The following TENM2 variants were observed in gnomAD, a reference collection of about 807,000 sequenced individuals.
The protein encoded by TENM2 is teneurin-2.
TENM2 carries 52 observed loss-of-function variants against 245.2 expected under a neutral mutation model. The observed-to-expected ratio is 0.21, with a 90% confidence interval of 0.17 to 0.27. The LOEUF is 0.27. TENM2 is among the 10% of genes least tolerant of loss of function. TENM2 has a pLI of 1.00. For missense variants in TENM2, 3,046 were observed against 3,666.8 expected (o/e 0.83, Z 4.37); for synonymous variants, 1,363 against 1,438.9 (o/e 0.95, Z 1.19).
At chr5:167,645,036 A>G (rs1286341640) in intron 2 of TENM2, among the ~76,000 whole-genome samples, 2 of 152,148 alleles carry the variant, frequency 1.3e-5, no homozygotes, top group Non-Finnish European at 2.9e-5. Flanking sequence ...TTGAAACACA[A>G]TGGGAAGTAT....
the TENM2 span, among the ~76,000 whole-genome samples, chr5:167,151,657 T>A: frequency 1.3e-5 from 2 of 152,126 alleles, no homozygotes; most frequent in African/African-American, 4.8e-5. Flanking sequence ...TAGCTGGGAC[T>A]ACAGGCACCC....
chr5:167,489,785 A>G (rs1055834903), intron 2 of TENM2, among the ~76,000 whole-genome samples: 1 of 152,156 alleles, frequency 6.6e-6, no homozygotes, highest in African/African-American at 2.4e-5. Context: ...CCATTATACT[A>G]TATATGTTAT....
chr5:167,771,782 T>A (rs1345129802), intron 2 of TENM2, among the ~76,000 whole-genome samples: 1 of 152,176 alleles, frequency 6.6e-6, no homozygotes, highest in Non-Finnish European at 1.5e-5. Flanking sequence ...TAATTATTGC[T>A]TGCCAAGTTT....
chr5:167,000,437 G>T, the TENM2 span, among the ~76,000 whole-genome samples: 1 of 152,168 alleles, frequency 6.6e-6, no homozygotes, highest in Non-Finnish European at 1.5e-5. Context: ...GTATTTGAAA[G>T]AAATCTACAT....
At chr5:167,368,484 C>G (rs895178628) in intron 1 of TENM2, among the ~76,000 whole-genome samples, 1 of 151,978 alleles carries the variant, frequency 6.6e-6, no homozygotes, top group African/African-American at 2.4e-5. Flanking sequence ...TCTCATTAAC[C>G]TTTTATTTAA....
At chr5:167,542,128 A>G (rs1772250733) in intron 2 of TENM2, among the ~76,000 whole-genome samples, 1 of 152,168 alleles carries the variant, frequency 6.6e-6, no homozygotes, top group Non-Finnish European at 1.5e-5. Flanking sequence ...TTTGCCACCA[A>G]TTGCATAAGG....
At chr5:167,387,256 G>C (rs1218022872) in intron 2 of TENM2, among the ~76,000 whole-genome samples, 5 of 151,262 alleles carry the variant, frequency 3.3e-5, no homozygotes, top group Admixed American at 3.3e-4. Flanking sequence ...GTGTTTTGTT[G>C]TTGTTGTTGT....
intron 2 of TENM2, among the ~76,000 whole-genome samples, chr5:167,492,449 T>A (rs1157539970): frequency 1.3e-5 from 2 of 152,126 alleles, no homozygotes; most frequent in Non-Finnish European, 2.9e-5. Context: ...GTACAGACTT[T>A]CCACGAAGAA....
the TENM2 span, among the ~76,000 whole-genome samples, chr5:166,998,337 T>A: frequency 6.6e-6 from 1 of 152,246 alleles, no homozygotes; most frequent in African/African-American, 2.4e-5. Context: ...GCAGTAAGAA[T>A]TTATTGGAGG....
At chr5:168,061,213 A>G (rs1790008747) in intron 6 of TENM2, among the ~76,000 whole-genome samples, 1 of 152,146 alleles carries the variant, frequency 6.6e-6, no homozygotes, top group Non-Finnish European at 1.5e-5. Context: ...TTATACTGAG[A>G]CTTTTTTTCC....
downstream of TENM2, chr5:168,263,796 T>G (rs1768419591): frequency 6.6e-6 from 1 of 152,648 alleles, no homozygotes; most frequent in Admixed American, 6.5e-5. Flanking sequence ...CAGGTACCAC[T>G]TCTGATCACC....
At chr5:167,321,782 CTTATTTTT>C (rs1756742456) in intron 1 of TENM2, among the ~76,000 whole-genome samples, 1 of 59,738 alleles carries the variant, frequency 1.7e-5, no homozygotes, top group African/African-American at 6.5e-5. Flanking sequence ...GCTGCCTTGG[CTTATTTTT>C]TTTTTTTTTT....
At chr5:168,188,261 T>A (rs573996837) in intron 13 of TENM2, among the ~76,000 whole-genome samples, 5 of 152,324 alleles carry the variant, frequency 3.3e-5, no homozygotes, top group African/African-American at 1.2e-4. Context: ...AGCGTTCCAG[T>A]ACAAGTGTTT....
At chr5:167,764,804 C>T in intron 2 of TENM2, among the ~76,000 whole-genome samples, 1 of 152,190 alleles carries the variant, frequency 6.6e-6, no homozygotes, top group Non-Finnish European at 1.5e-5. Context: ...TGAGTCTCCC[C>T]TCTGCCAGAC....
intron 2 of TENM2, among the ~76,000 whole-genome samples, chr5:167,744,083 T>C (rs1761391572): frequency 6.6e-6 from 1 of 152,246 alleles, no homozygotes; most frequent in Non-Finnish European, 1.5e-5. Context: ...AAAACTTATT[T>C]TCTCCAGACA....
intron 2 of TENM2, among the ~76,000 whole-genome samples, chr5:167,848,077 C>T (rs1303720459): frequency 6.6e-6 from 1 of 152,190 alleles, no homozygotes; most frequent in Non-Finnish European, 1.5e-5. Context: ...TGTTTCTCAA[C>T]ATACCTGCTG....
the TENM2 span, among the ~76,000 whole-genome samples, chr5:167,108,274 G>T: frequency 1.3e-5 from 2 of 151,944 alleles, no homozygotes; most frequent in African/African-American, 4.8e-5. Flanking sequence ...TACAGGAACG[G>T]GCCACCACGT....
At chr5:168,068,020 A>G (rs1323088987) in intron 7 of TENM2, among the ~76,000 whole-genome samples, 1 of 152,102 alleles carries the variant, frequency 6.6e-6, no homozygotes, top group East Asian at 1.9e-4. Flanking sequence ...TTTCTTCTGA[A>G]CTGGACTGAA....
At chr5:168,050,786 C>G (rs1017228718) in intron 6 of TENM2, among the ~76,000 whole-genome samples, 3 of 152,198 alleles carry the variant, frequency 2.0e-5, no homozygotes, top group African/African-American at 7.2e-5. Flanking sequence ...TGGGAGAGTA[C>G]ATTCTTTGGT....
Sources: gnomAD v4.1 joint callset for allele counts (sites outside exome capture counted in the v4.1 genomes callset) on GRCh38, gnomAD v4.1.1 for gene constraint, MANE v1.5 for transcripts, NCBI Gene and HGNC (gene_info 2026-07-23, HGNC 2026-07-21) for gene names.